The following HEG1 variants were observed in gnomAD, a reference collection of about 807,000 sequenced individuals.
HEG1 encodes the protein protein HEG homolog 1.
A neutral mutation model predicts 125.6 loss-of-function variants in HEG1; 56 were observed. The ratio of observed to expected loss-of-function variants is 0.45; its 90% CI spans 0.36 to 0.56. The LOEUF (loss-of-function observed/expected upper bound fraction) is 0.56. Among genes scored for constraint, HEG1 ranks in the 20% least tolerant of loss-of-function variants. The pLI, the probability that HEG1 is intolerant of heterozygous loss-of-function variation, is 0.00. For missense variants in HEG1, 1,523 were observed against 1,670.0 expected (o/e 0.91, Z 1.53); for synonymous variants, 644 against 668.5 (o/e 0.96, Z 0.57).
intron 2 of HEG1, among the ~76,000 whole-genome samples, chr3:125,028,047 T>A (rs938966675): frequency 6.6e-6 from 1 of 151,434 alleles, no homozygotes; most frequent in Non-Finnish European, 1.5e-5. Flanking sequence ...TCCTTTACTT[T>A]CAGGCCATCA....
intron 15 of HEG1, among the ~76,000 whole-genome samples, chr3:124,976,435 G>A (rs1303645652): frequency 2.6e-5 from 4 of 151,792 alleles, no homozygotes; most frequent in Admixed American, 6.6e-5. Flanking sequence ...TGATCCACTC[G>A]CCTCGAACTC....
At chr3:124,987,201 T>C (rs1282573583) in intron 14 of HEG1, among the ~76,000 whole-genome samples, 1 of 152,008 alleles carries the variant, frequency 6.6e-6, no homozygotes, top group South Asian at 2.1e-4. Context: ...AGAGACCTCA[T>C]CTCTAAAAAT....
intron 3 of HEG1, among the ~76,000 whole-genome samples, chr3:125,026,693 CT>C (rs767091003): frequency 2.0e-5 from 3 of 152,160 alleles, no homozygotes; most frequent in Non-Finnish European, 1.5e-5. Context: ...AAGGTAAGGT[CT>C]CTTGTTTGAG....
At chr3:125,055,286 C>G (rs549358504) in intron 1 of HEG1, among the ~76,000 whole-genome samples, 206 of 152,308 alleles carry the variant, frequency 1.4e-3, no homozygotes, top group Non-Finnish European at 1.1e-3. Context: ...TTTCCCTTTC[C>G]TTTCCATTTT....
chr3:125,031,306 G>T (rs80055225), intron 1 of HEG1, among the ~76,000 whole-genome samples: 4,294 of 152,216 alleles, frequency 0.028, 184 homozygotes, highest in African/African-American at 0.097. Context: ...CTAAAAAATA[G>T]TACCAAAACC....
At chr3:125,023,279 C>T (rs145918195) in intron 3 of HEG1, among the ~76,000 whole-genome samples, 69 of 152,204 alleles carry the variant, frequency 4.5e-4, no homozygotes, top group African/African-American at 1.5e-3. Flanking sequence ...GCCTGAAAAA[C>T]CCAGGCCTGT....
At position 124,973,719 on chromosome 3, in the gene HEG1, A is replaced by G. The variant is rs1936485394; in HGVS notation, c.3996+12T>C. The G allele has an allele frequency of 1.2e-6, 2 of 1,600,832 alleles. No homozygotes were observed. Among genetic ancestry groups the G allele is most frequent in the African/African-American group, 2.7e-5 (2 of 74,326 alleles). On this transcript the variant is annotated intron_variant, in intron 16 of 16. Coordinates refer to ENST00000311127, the MANE Select transcript of HEG1 (RefSeq NM_020733.2). ...GGGGGCCCTGGGGTCATCCTGACAC[A>G]GGAATACACACCGAGTAGTACACAT... is the stretch of plus-strand genomic sequence containing the variant.
chr3:124,989,764 A>G (rs1421025733), intron 14 of HEG1, among the ~76,000 whole-genome samples: 1 of 152,142 alleles, frequency 6.6e-6, no homozygotes, highest in African/African-American at 2.4e-5. Context: ...AGCTGCACCC[A>G]CATTCTCCTC....
intron 1 of HEG1, among the ~76,000 whole-genome samples, chr3:125,040,250 G>A (rs1937583081): frequency 6.6e-6 from 1 of 152,266 alleles, no homozygotes. Context: ...GACATACGAA[G>A]GGAAAAATCA....
At chr3:124,970,824 G>A in intron 16 of HEG1, 23 bp from the exon 17 acceptor site, 1 of 1,594,196 alleles carries the variant, frequency 6.3e-7, no homozygotes, top group East Asian at 2.2e-5. Context: ...GAGAAAAGAA[G>A]AAAAGTCAAT....
intron 1 of HEG1, among the ~76,000 whole-genome samples, chr3:125,048,236 C>G (rs1286902247): frequency 6.6e-6 from 1 of 152,244 alleles, no homozygotes; most frequent in African/African-American, 2.4e-5. Context: ...TTTTTAATAG[C>G]CTCTAGACTT....
chr3:125,053,724 T>C (rs1292520850), intron 1 of HEG1, among the ~76,000 whole-genome samples: 3 of 152,276 alleles, frequency 2.0e-5, no homozygotes, highest in Admixed American at 2.0e-4. Flanking sequence ...GGAATCAAAC[T>C]GGGAAAGCCA....
In HEG1 at chr3:125,029,404, G is replaced by T; in HGVS notation, c.401C>A (p.Ser134Ter). The T allele has an allele frequency of 6.2e-7, 1 of 1,610,822 alleles. No homozygotes were observed. Among genetic ancestry groups the T allele is most frequent in the South Asian group, 1.1e-5 (1 of 91,072 alleles). The change falls in exon 2 of 17, where the codon TCA becomes TAA. Residue 134 changes from serine to a stop codon, truncating the protein, a stop_gained. Coordinates refer to ENST00000311127, the MANE Select transcript of HEG1 (RefSeq NM_020733.2). LOFTEE classifies it high-confidence loss of function. ...CACGCCCTCTTTGGAGGACACTGTT[G>T]AAAAGTCCTCTTGATTCTGATAGAA... ...ITFYQNQEDF[S>*]TVSSKEGVMV... is the part of the protein sequence containing the mutation.
intron 14 of HEG1, among the ~76,000 whole-genome samples, chr3:124,980,861 CTT>C (rs34134863): frequency 6.3e-5 from 9 of 143,288 alleles, no homozygotes; most frequent in Non-Finnish European, 3.1e-5. Flanking sequence ...TCTGGATATC[CTT>C]TTTTTTTTTT....
chr3:125,029,752 C>T (rs1022212197), intron 1 of HEG1, among the ~76,000 whole-genome samples: 15 of 152,164 alleles, frequency 9.9e-5, no homozygotes, highest in Admixed American at 7.2e-4. Context: ...ATTAGCCGGT[C>T]GTGATGGCAG....
chr3:125,041,978 A>G (rs1937596960), intron 1 of HEG1, among the ~76,000 whole-genome samples: 1 of 152,202 alleles, frequency 6.6e-6, no homozygotes, highest in African/African-American at 2.4e-5. Context: ...TTATTTAATG[A>G]GTTTCTATTT....
chr3:124,992,941 T>C (rs1481813958), intron 12 of HEG1, among the ~76,000 whole-genome samples: 1 of 152,240 alleles, frequency 6.6e-6, no homozygotes, highest in East Asian at 1.9e-4. Context: ...GCGGCAGCCA[T>C]GGGAAAGTCC....
intron 1 of HEG1, among the ~76,000 whole-genome samples, chr3:125,038,596 G>A (rs1937567736): frequency 6.6e-6 from 1 of 152,172 alleles, no homozygotes; most frequent in African/African-American, 2.4e-5. Flanking sequence ...TGGGTCAAAT[G>A]CTAAAATATG....
intron 14 of HEG1, among the ~76,000 whole-genome samples, chr3:124,978,832 A>AATAAATAT (rs1446233495): frequency 6.6e-6 from 1 of 151,294 alleles, no homozygotes; most frequent in African/African-American, 2.4e-5. Flanking sequence ...TAAATAAATA[A>AATAAATAT]ATAAATAAAT....
Sources: gnomAD v4.1 joint callset for allele counts (sites outside exome capture counted in the v4.1 genomes callset) on GRCh38, gnomAD v4.1.1 for gene constraint, MANE v1.5 for transcripts, NCBI Gene and HGNC (gene_info 2026-07-23, HGNC 2026-07-21) for gene names.